Variants in PRKCH observed in about 807,000 individuals in gnomAD.
PRKCH encodes protein kinase C eta.
Under a neutral mutation model 82.5 loss-of-function variants are expected in PRKCH, and 28 were observed. That is an observed-to-expected ratio of 0.34 (90% CI 0.25 to 0.47). The LOEUF is 0.47. PRKCH is among the 20% of genes least tolerant of loss of function. The pLI, the probability that PRKCH is intolerant of heterozygous loss-of-function variation, is 1.00. For missense variants in PRKCH, 705 were observed against 881.8 expected, an observed-to-expected ratio of 0.80 and a Z score of 2.54; for synonymous variants, 322 against 327.4, an observed-to-expected ratio of 0.98 and a Z score of 0.18.
chr14:61,339,923 G>A (rs2045910794), intron 1 of PRKCH, among the ~76,000 whole-genome samples: 1 of 151,852 alleles, frequency 6.6e-6, no homozygotes, highest in Admixed American at 6.6e-5. Context: ...GGGCTCAAGC[G>A]ATCCTCTTGA....
Position 61,457,539 on chromosome 14 carries a change from C to A in PRKCH, c.1138C>A (p.Leu380Ile). ...TGCAAGAGTAAAAGAAACAGGAGAC[C>A]TCTATGCTGTGAAGGTGCTGAAGAA... Reference protein sequence around the residue: ...MLARVKETGDLYAVKVLKKDV... With the variant: ...MLARVKETGDIYAVKVLKKDV... Residue 380 changes from leucine to isoleucine, a missense_variant, in exon 9 of 14, where the codon CTC (leucine) becomes ATC (isoleucine). This residue lies in a region of PRKCH where 238 missense variants were observed against 258.1 expected (regional missense o/e 0.92). Coordinates refer to ENST00000332981, the MANE Select transcript of PRKCH (RefSeq NM_006255.5). 1 of 1,614,114 alleles carries A rather than the reference C, an allele frequency of 6.2e-7. No homozygotes were observed. Among genetic ancestry groups the A allele is most frequent in the South Asian group, 1.1e-5 (1 of 91,064 alleles).
intron 1 of PRKCH, among the ~76,000 whole-genome samples, chr14:61,308,290 C>G (rs1309331986): frequency 6.6e-6 from 1 of 152,230 alleles, no homozygotes; most frequent in Non-Finnish European, 1.5e-5. Flanking sequence ...ATATCACTGC[C>G]TGCCACCAGT....
At chr14:61,446,567 A>G (rs1237914210) in intron 4 of PRKCH, among the ~76,000 whole-genome samples, 2 of 152,246 alleles carry the variant, frequency 1.3e-5, no homozygotes, top group South Asian at 2.1e-4. Flanking sequence ...CCTTGGATGG[A>G]CTGAATAAGA....
intron 2 of PRKCH, among the ~76,000 whole-genome samples, chr14:61,440,272 C>T (rs1188665734): frequency 6.6e-6 from 1 of 152,196 alleles, no homozygotes; most frequent in East Asian, 1.9e-4. Context: ...TTTTGTTCTT[C>T]CGCAGTCCTT....
chr14:61,216,759 A>G (rs188365219), intron 1 of PRKCH, among the ~76,000 whole-genome samples: 6 of 152,358 alleles, frequency 3.9e-5, no homozygotes, highest in Non-Finnish European at 7.3e-5. Context: ...CATGAGAGAA[A>G]GAGCTTTCAG....
At chr14:61,349,682 G>A (rs972017489) in intron 1 of PRKCH, among the ~76,000 whole-genome samples, 7 of 152,086 alleles carry the variant, frequency 4.6e-5, no homozygotes, top group African/African-American at 1.7e-4. Context: ...CCAACATGGT[G>A]AAACCCTGTC....
intron 1 of PRKCH, among the ~76,000 whole-genome samples, chr14:61,346,963 A>G (rs561665737): frequency 2.6e-5 from 4 of 151,506 alleles, no homozygotes; most frequent in Non-Finnish European, 4.4e-5. Flanking sequence ...CCTCACAAGC[A>G]TTGTTTAGGA....
At chr14:61,257,622 C>G (rs1426780815) in intron 1 of PRKCH, among the ~76,000 whole-genome samples, 3 of 54,688 alleles carry the variant, frequency 5.5e-5, no homozygotes, top group East Asian at 6.6e-4. Flanking sequence ...CACACACACA[C>G]ACACACACCC....
At chr14:61,218,102 A>G (rs951689172) in intron 1 of PRKCH, among the ~76,000 whole-genome samples, 4 of 152,160 alleles carry the variant, frequency 2.6e-5, no homozygotes, top group African/African-American at 7.2e-5. Context: ...TCTATTCTCT[A>G]GTTCAACCAA....
intron 1 of PRKCH, among the ~76,000 whole-genome samples, chr14:61,258,639 A>G (rs2045019241): frequency 6.6e-6 from 1 of 152,186 alleles, no homozygotes; most frequent in Non-Finnish European, 1.5e-5. Context: ...TTATGATTTT[A>G]TAATTATACT....
chr14:61,304,992 G>T (rs2045476256), intron 1 of PRKCH: 1 of 151,550 alleles, frequency 6.6e-6, no homozygotes, highest in Non-Finnish European at 1.5e-5. Flanking sequence ...TATATTTTTG[G>T]TTTTTAACCT....
At chr14:61,200,136 A>C (rs989845243) in intron 1 of PRKCH, among the ~76,000 whole-genome samples, 18 of 152,186 alleles carry the variant, frequency 1.2e-4, no homozygotes, top group African/African-American at 4.1e-4. Context: ...CCTTTCTGCA[A>C]GTGGAGGGTG....
intron 1 of PRKCH, among the ~76,000 whole-genome samples, chr14:61,190,575 C>G (rs774686502): frequency 6.6e-6 from 1 of 152,182 alleles, no homozygotes; most frequent in African/African-American, 2.4e-5. Context: ...TTCTCTTGTA[C>G]TTAATGTGAA....
chr14:61,245,509 A>G (rs544890289), intron 1 of PRKCH, among the ~76,000 whole-genome samples: 2 of 152,384 alleles, frequency 1.3e-5, no homozygotes, highest in African/African-American at 4.8e-5. Flanking sequence ...AGATGTGGGC[A>G]GGTAATGGAA....
chr14:61,197,074 A>G (rs75990395), intron 1 of PRKCH, among the ~76,000 whole-genome samples: 4,098 of 152,200 alleles, frequency 0.027, 187 homozygotes, highest in African/African-American at 0.094. Context: ...GACTTTCATG[A>G]TAAATGTTTT....
At chr14:61,509,298 G>A (rs1232233469) in intron 10 of PRKCH, among the ~76,000 whole-genome samples, 4 of 152,126 alleles carry the variant, frequency 2.6e-5, no homozygotes, top group Non-Finnish European at 5.9e-5. Context: ...TTAGCCCTTT[G>A]TTGGCTGACA....
At chr14:61,395,224 C>A (rs904635167) in intron 2 of PRKCH, among the ~76,000 whole-genome samples, 2 of 151,584 alleles carry the variant, frequency 1.3e-5, no homozygotes, top group African/African-American at 2.4e-5. Flanking sequence ...CTTTAAAACA[C>A]CGCTCCCTTG....
At chr14:61,446,789 C>T (rs1010987560) in intron 4 of PRKCH, among the ~76,000 whole-genome samples, 4 of 152,226 alleles carry the variant, frequency 2.6e-5, no homozygotes, top group Admixed American at 6.5e-5. Flanking sequence ...CCCTGCAGTC[C>T]ATGGTAGCCC....
chr14:61,548,513 G>A (rs1349309840), intron 13 of PRKCH, among the ~76,000 whole-genome samples: 1 of 152,218 alleles, frequency 6.6e-6, no homozygotes, highest in Admixed American at 6.5e-5. Context: ...CTCATCTGTG[G>A]GTCAAGAGCT....
Sources: allele counts gnomAD v4.1 joint callset (sites outside exome capture counted in the v4.1 genomes callset), GRCh38; gene constraint gnomAD v4.1.1; regional missense constraint gnomAD v4.1.1; transcripts MANE v1.5; gene names NCBI Gene and HGNC (gene_info 2026-07-23, HGNC 2026-07-21).